Variants in PRSS54 observed in about 807,000 individuals in gnomAD.
The protein encoded by PRSS54 is inactive serine protease 54.
In PRSS54, 16 loss-of-function variants were observed where a neutral mutation model predicts 19.9. The observed-to-expected ratio is 0.80, with a 90% CI of 0.54 to 1.22. The LOEUF is 1.22. Among genes scored for constraint, PRSS54 ranks in the 50% most tolerant of loss-of-function variants. PRSS54 has a pLI of 0.00. For missense variants in PRSS54, 444 were observed against 494.8 expected, an observed-to-expected ratio of 0.90 and a Z score of 0.97; for synonymous variants, 177 against 195.8, an observed-to-expected ratio of 0.90 and a Z score of 0.80.
Position 58,280,125 on chromosome 16 carries a change from A to G in PRSS54, c.*99T>C, listed in dbSNP as rs1964676632. 1 of 1,232,882 alleles carries G rather than the reference A, an allele frequency of 8.1e-7. No individual in the cohort carries two copies. Among genetic ancestry groups the G allele is most frequent in the Non-Finnish European group, 1.1e-6 (1 of 876,020 alleles). 76.4% of individuals were successfully genotyped at this position (1,232,882 alleles called of 1,614,324 possible). A position where few individuals can be genotyped will look rare whatever the true frequency, so the allele number is the denominator to read the frequency against. Reference sequence around the variant, plus strand: ...CCATGGGCTTATCCGTGGCAGCCCCAGTGTGCAACTATCAAAAACAGACAT... The same window carrying G: ...CCATGGGCTTATCCGTGGCAGCCCCGGTGTGCAACTATCAAAAACAGACAT... On this transcript the variant is annotated 3_prime_UTR_variant, in exon 7 of 7. Coordinates refer to ENST00000567164, the MANE Select transcript of PRSS54 (RefSeq NM_001305173.2).
chr16:58,291,694 G>A, intron 3 of PRSS54, among the ~76,000 whole-genome samples: 1 of 152,068 alleles, frequency 6.6e-6, no homozygotes, highest in Non-Finnish European at 1.5e-5. Flanking sequence ...ATGTTCCCAG[G>A]CTGATCTAGA....
chr16:58,285,744 A>AGAAG (rs1555513786), intron 5 of PRSS54, among the ~76,000 whole-genome samples, 193 bp downstream of exon 5: 1 of 77,350 alleles, frequency 1.3e-5, no homozygotes, highest in Non-Finnish European at 2.3e-5. Flanking sequence ...AAAAAAAAAA[A>AGAAG]AAGAAGAAGA....
intron 4 of PRSS54, among the ~76,000 whole-genome samples, chr16:58,288,657 G>T (rs949501475): frequency 6.6e-6 from 1 of 152,068 alleles, no homozygotes; most frequent in Admixed American, 6.6e-5. Flanking sequence ...CTACACTATG[G>T]TACACTTGCA....
intron 3 of PRSS54, among the ~76,000 whole-genome samples, chr16:58,291,649 A>C (rs1451155183): frequency 2.0e-5 from 3 of 151,486 alleles, no homozygotes; most frequent in African/African-American, 7.3e-5. Flanking sequence ...CCCCCGGCTA[A>C]ATTCTTTTAT....
At chr16:58,283,936 TTA>T (rs1366229808) in intron 6 of PRSS54, 1 of 152,196 alleles carries the variant, frequency 6.6e-6, no homozygotes, top group Admixed American at 6.5e-5. Flanking sequence ...TGAAGGTTAT[TTA>T]GAGGAGAGTG....
intron 5 of PRSS54, 79 bp from the exon 6 acceptor site, chr16:58,284,800 G>A: frequency 1.3e-6 from 2 of 1,504,122 alleles, no homozygotes; most frequent in Non-Finnish European, 1.8e-6. Flanking sequence ...CACTCATATA[G>A]CCAAACGAGA....
At chr16:58,290,122 TA>T (rs1240331964) in intron 4 of PRSS54, among the ~76,000 whole-genome samples, 3 of 144,990 alleles carry the variant, frequency 2.1e-5, no homozygotes, top group Admixed American at 7.1e-5. Context: ...ATATTACATA[TA>T]ATAAAGTATA....
chr16:58,290,064 A>G lies in PRSS54; in HGVS notation c.263+895T>C, dbSNP rs1965004158. On this transcript the variant is annotated intron_variant, in intron 4 of 6. Coordinates refer to ENST00000567164, the MANE Select transcript of PRSS54 (RefSeq NM_001305173.2). ...TACTATATGTTACATATGATATTGT[A>G]TACATAGATATTCCATATACATATA... Among the ~76,000 whole-genome samples, 3 of 136,236 alleles carry G rather than the reference A, an allele frequency of 2.2e-5. No homozygotes were observed. The South Asian group carries it at 6.9e-4, about 31-fold the overall frequency. 89.4% of individuals were successfully genotyped at this position (136,236 alleles called of 152,430 possible). A position where few individuals can be genotyped will look rare whatever the true frequency, so the allele number is the denominator to read the frequency against.
At chr16:58,290,557 T>C (rs1965014944) in intron 4 of PRSS54, among the ~76,000 whole-genome samples, 1 of 151,828 alleles carries the variant, frequency 6.6e-6, no homozygotes, top group Admixed American at 6.6e-5. Flanking sequence ...CCGAGGCTTT[T>C]CTCTCTGTAC....
rs893943316 is a variant in PRSS54, at chr16:58,283,362, G to A, written c.654+1228C>T. The A allele has an allele frequency of 7.2e-5, 11 of 152,308 alleles. 1 individual carries two copies. The highest frequency in any genetic ancestry group is 1.0e-4 in the Non-Finnish European group (7 of 68,018). 9.4% of individuals were successfully genotyped at this position (152,308 alleles called of 1,614,324 possible). A position where few individuals can be genotyped will look rare whatever the true frequency, so the allele number is the denominator to read the frequency against. On this transcript the variant is annotated intron_variant, in intron 6 of 6. Coordinates refer to ENST00000567164, the MANE Select transcript of PRSS54 (RefSeq NM_001305173.2). ...AAAATGAAGGCATGTTTAGAGGTGTGTCACAGTTAAAAACCAACCTGAACT... is the reference window on the plus strand; with the variant it reads ...AAAATGAAGGCATGTTTAGAGGTGTATCACAGTTAAAAACCAACCTGAACT...
chr16:58,290,659 C>T (rs1280155971), intron 4 of PRSS54, among the ~76,000 whole-genome samples: 1 of 152,046 alleles, frequency 6.6e-6, no homozygotes, highest in Non-Finnish European at 1.5e-5. Context: ...TGGTAGGGAC[C>T]CTAGTGTTAG....
At chr16:58,293,611 G>A in intron 3 of PRSS54, 121 bp downstream of exon 3, 1 of 1,515,436 alleles carries the variant, frequency 6.6e-7, no homozygotes, top group South Asian at 1.3e-5. Flanking sequence ...GGTGCAAAGT[G>A]CCGTGAGTCA....
chr16:58,288,285 G>C (rs1392634816), intron 4 of PRSS54, among the ~76,000 whole-genome samples: 1 of 152,132 alleles, frequency 6.6e-6, no homozygotes, highest in Non-Finnish European at 1.5e-5. Context: ...AATTAGCTGG[G>C]CATGGTGGCA....
intron 1 of PRSS54, among the ~76,000 whole-genome samples, chr16:58,294,661 T>G (rs1965107935): frequency 1.3e-5 from 2 of 152,202 alleles, no homozygotes; most frequent in South Asian, 4.1e-4. Context: ...ATTACCAGCG[T>G]GAGCCACCGT....
Position 58,280,324 on chromosome 16 carries a change from A to G in PRSS54, c.1088T>C (p.Val363Ala), listed in dbSNP as rs1349483163. ...PLYYDYYGGEVGEGRIFAGQN... is the reference protein window; with the variant it reads ...PLYYDYYGGEAGEGRIFAGQN... ...ACCTGCAAAAATCCTACCTTCCCCC[A>G]CCTCCCCACCGTAATAGTCATAGTA... The change falls in exon 7 of 7, where the codon GTG becomes GCG. Residue 363 changes from valine to alanine, a missense_variant. Physicochemically the swap from Val to Ala is moderately conservative, Grantham distance 64. Transcript: ENST00000567164. The G allele has an allele frequency of 4.3e-6, 7 of 1,613,198 alleles. No homozygotes were observed. The highest frequency in any genetic ancestry group is 5.9e-6 in the Non-Finnish European group (7 of 1,179,808).
intron 6 of PRSS54, chr16:58,283,896 T>C (rs900022163): frequency 4.6e-5 from 7 of 152,180 alleles, no homozygotes; most frequent in Non-Finnish European, 8.8e-5. Flanking sequence ...CTGGATCCTA[T>C]GGGGAAAAAA....
intron 1 of PRSS54, 152 bp from the exon 2 acceptor site, chr16:58,294,361 A>AT (rs1045467010): frequency 5.6e-4 from 87 of 154,048 alleles, no homozygotes; most frequent in Non-Finnish European, 1.1e-3. Flanking sequence ...ATTTTATTTT[A>AT]TTTTTTTTGA....
Position 58,280,124 on chromosome 16 carries a change from C to G in PRSS54, c.*100G>C. 8.1e-7 allele frequency: 1 copy of G among 1,228,590 alleles called. No homozygotes were observed. Among genetic ancestry groups the G allele is most frequent in the Non-Finnish European group, 1.1e-6 (1 of 872,634 alleles). 76.1% of individuals were successfully genotyped at this position (1,228,590 alleles called of 1,614,324 possible). On this transcript the variant is annotated 3_prime_UTR_variant, in exon 7 of 7. Coordinates refer to ENST00000567164, the MANE Select transcript of PRSS54 (RefSeq NM_001305173.2). Reference sequence around the variant, plus strand: ...GCCATGGGCTTATCCGTGGCAGCCCCAGTGTGCAACTATCAAAAACAGACA... The same window carrying G: ...GCCATGGGCTTATCCGTGGCAGCCCGAGTGTGCAACTATCAAAAACAGACA...
rs111782538 is a variant in PRSS54, at chr16:58,286,206, A to G, written c.264-11T>C. On this transcript the variant is annotated splice_polypyrimidine_tract_variant and intron_variant, in intron 4 of 6. Transcript: ENST00000567164. ...ACGACAATGTCCTTCCTGGAGAGAG[A>G]GCAAGGGAATCTTGAGAAGCCAAGA... 6.2e-7 allele frequency: 1 copy of G among 1,612,826 alleles called. No individual in the cohort carries two copies.
Sources: gnomAD v4.1 joint callset for allele counts (sites outside exome capture counted in the v4.1 genomes callset) on GRCh38, gnomAD v4.1.1 for gene constraint, MANE v1.5 for transcripts, NCBI Gene and HGNC (gene_info 2026-07-23, HGNC 2026-07-21) for gene names.